COBLL1: variants seen among roughly 807,000 people sequenced by gnomAD.
The protein encoded by COBLL1 is cordon-bleu protein-like 1.
Under a neutral mutation model 94.8 loss-of-function variants are expected in COBLL1, and 50 were observed. That is an observed-to-expected ratio of 0.53 (90% CI 0.42 to 0.67). The LOEUF (loss-of-function observed/expected upper bound fraction) is 0.67. Ranked by LOEUF, COBLL1 falls within the 30% of genes least tolerant of loss-of-function variation. COBLL1 has a pLI of 0.00. For synonymous variants in COBLL1, 448 were observed against 473.8 expected (o/e 0.95, Z 0.71); for missense variants, 1,362 against 1,348.7 (o/e 1.01, Z -0.15).
At chr2:164,719,975 T>A (rs1685365168) in intron 7 of COBLL1, among the ~76,000 whole-genome samples, 1 of 151,706 alleles carries the variant, frequency 6.6e-6, no homozygotes, top group Middle Eastern at 3.4e-3. Context: ...AAGAAGAGGT[T>A]CAAGACCAAG....
At chr2:164,673,442 A>AGGCAG (rs1464029050) in intron 1 of COBLL1, among the ~76,000 whole-genome samples, 3 of 152,180 alleles carry the variant, frequency 2.0e-5, no homozygotes, top group African/African-American at 7.2e-5. Flanking sequence ...TGGGAGGCTG[A>AGGCAG]GGCAGGCACA....
chr2:164,824,457 A>G (rs1007195351), intron 2 of COBLL1, among the ~76,000 whole-genome samples: 1 of 152,194 alleles, frequency 6.6e-6, no homozygotes, highest in Non-Finnish European at 1.5e-5. Flanking sequence ...TGAAAAAACA[A>G]TGATTTCAAG....
intron 5 of COBLL1, chr2:164,723,655 G>A (rs1243190152): frequency 6.6e-6 from 1 of 151,244 alleles, no homozygotes; most frequent in Non-Finnish European, 1.5e-5. Flanking sequence ...AATTTCATAT[G>A]TTCATAATGA....
At chr2:164,669,098 C>G (rs1042178217) in intron 1 of COBLL1, among the ~76,000 whole-genome samples, 2 of 152,120 alleles carry the variant, frequency 1.3e-5, no homozygotes, top group Non-Finnish European at 1.5e-5. Flanking sequence ...ATCATTTGTT[C>G]GTCTTGTGTT....
rs1303161958 is a variant in COBLL1, at chr2:164,682,769, G to A, written c.*3177C>T. 1 of 152,046 alleles carries A rather than the reference G, an allele frequency of 6.6e-6. No individual in the cohort carries two copies. The highest frequency in any genetic ancestry group is 1.9e-4 in the East Asian group (1 of 5,192). The allele number at this position is 152,046 out of a possible 1,614,324, so 9.4% of individuals were successfully genotyped here. On this transcript the variant is annotated 3_prime_UTR_variant, in exon 14 of 14. Transcript: ENST00000652658. ...TTCAGAAGAGAAAATGAAGCATAGA[G>A]AAAGTAATTTGCCCAAGATCCCATG...
intron 2 of COBLL1, among the ~76,000 whole-genome samples, chr2:164,835,095 A>T (rs1263730176): frequency 2.6e-5 from 4 of 152,150 alleles, no homozygotes; most frequent in Admixed American, 1.3e-4. Context: ...ACAAACAAAA[A>T]ACAGTATGGC....
At chr2:164,740,214 TTAGCTGGGCATGG>T (rs1686518692) in intron 3 of COBLL1, among the ~76,000 whole-genome samples, 1 of 152,020 alleles carries the variant, frequency 6.6e-6, no homozygotes, top group African/African-American at 2.4e-5. Context: ...AATACAAGAA[TTAGCTGGGCATGG>T]TAGCACACGC....
chr2:164,804,283 C>T (rs1324390334), intron 2 of COBLL1, among the ~76,000 whole-genome samples: 3 of 151,814 alleles, frequency 2.0e-5, no homozygotes, highest in Non-Finnish European at 2.9e-5. Context: ...AATCTCCAGA[C>T]GTATTGGATC....
At chr2:164,806,488 TACTC>T (rs1327192470) in intron 2 of COBLL1, among the ~76,000 whole-genome samples, 1 of 152,192 alleles carries the variant, frequency 6.6e-6, no homozygotes, top group African/African-American at 2.4e-5. Flanking sequence ...AGTAGAAATG[TACTC>T]ACTATGTAAA....
At chr2:164,677,310 G>A (rs1247287399), downstream of COBLL1, among the ~76,000 whole-genome samples, 1 of 151,884 alleles carries the variant, frequency 6.6e-6, no homozygotes, top group Non-Finnish European at 1.5e-5. Context: ...TTCTTAACAT[G>A]TCTTCTGGAA....
intron 2 of COBLL1, among the ~76,000 whole-genome samples, chr2:164,786,640 C>T (rs1005818619): frequency 6.6e-6 from 1 of 152,010 alleles, no homozygotes; most frequent in Non-Finnish European, 1.5e-5. Flanking sequence ...ATAAAGAACC[C>T]GTATGCAGGA....
At chr2:164,716,219 G>A (rs969374625) in intron 7 of COBLL1, among the ~76,000 whole-genome samples, 5 of 152,190 alleles carry the variant, frequency 3.3e-5, no homozygotes, top group South Asian at 2.1e-4. Flanking sequence ...CAATGTAATC[G>A]AATTTCTGAC....
Position 164,722,315 on chromosome 2 carries a change from G to A in COBLL1, c.760-4C>T. ...GGGTTGCAGGGGCACTTGCAGTCTA[G>A]TAAAGAATGACAAAGACAAAATCTA... On this transcript the variant is annotated splice_polypyrimidine_tract_variant and splice_region_variant and intron_variant, in intron 6 of 13. Coordinates refer to ENST00000652658, the MANE Select transcript of COBLL1 (RefSeq NM_001365672.2). 1 of 1,608,512 alleles carries A rather than the reference G, an allele frequency of 6.2e-7. No individual in the cohort carries two copies. Among genetic ancestry groups the A allele is most frequent in the Non-Finnish European group, 8.5e-7 (1 of 1,176,406 alleles).
intron 7 of COBLL1, among the ~76,000 whole-genome samples, chr2:164,706,383 T>C (rs13017482): frequency 0.48 from 73,080 of 152,072 alleles, 19,904 homozygotes; most frequent in African/African-American, 0.75. Context: ...TGACACAGAG[T>C]GTGGTCTGTG....
intron 7 of COBLL1, among the ~76,000 whole-genome samples, chr2:164,716,864 A>G (rs904272651): frequency 2.0e-5 from 3 of 152,208 alleles, no homozygotes; most frequent in Admixed American, 1.3e-4. Context: ...TTAAATATAG[A>G]CAGCCAAAAA....
intron 2 of COBLL1, among the ~76,000 whole-genome samples, chr2:164,762,808 T>A (rs1687747988): frequency 6.6e-6 from 1 of 151,278 alleles, no homozygotes; most frequent in African/African-American, 2.4e-5. Context: ...GCCATTCTCC[T>A]GCCTCAGCCT....
intron 2 of COBLL1, among the ~76,000 whole-genome samples, chr2:164,817,375 AAAAGAAG>A (rs1338175667): frequency 6.6e-6 from 1 of 150,888 alleles, no homozygotes; most frequent in African/African-American, 2.4e-5. Context: ...AAAAAAAAAA[AAAAGAAG>A]AAGAAGAAGG....
chr2:164,715,854 A>C (rs989543523), intron 7 of COBLL1, among the ~76,000 whole-genome samples: 1 of 152,110 alleles, frequency 6.6e-6, no homozygotes, highest in Non-Finnish European at 1.5e-5. Flanking sequence ...CCACAATGTA[A>C]TATCCCAGAG....
rs1444284198 is a variant in COBLL1, at chr2:164,694,486, T to C, written c.2906A>G (p.Lys969Arg). 1 of 1,613,964 alleles carries C rather than the reference T, an allele frequency of 6.2e-7. No homozygotes were observed. Among genetic ancestry groups the C allele is most frequent in the Non-Finnish European group, 8.5e-7 (1 of 1,179,934 alleles). The change falls in exon 12 of 14, where the codon AAG becomes AGG. Residue 969 changes from lysine (K) to arginine (R), a missense_variant. Coordinates refer to ENST00000652658, the MANE Select transcript of COBLL1 (RefSeq NM_001365672.2). ...TGGGGCACCAAAAGTTTTCAAAGTC[T>C]TCAGATTTTGTGTGGATACCTGACT... ...PASQVSTQNL[K>R]TLKTFGAPRP...
Sources: allele counts gnomAD v4.1 joint callset (sites outside exome capture counted in the v4.1 genomes callset), GRCh38; gene constraint gnomAD v4.1.1; transcripts MANE v1.5; gene names NCBI Gene and HGNC (gene_info 2026-07-23, HGNC 2026-07-21).